TCF7L2: variants seen among roughly 807,000 people sequenced by gnomAD.
TCF7L2 encodes transcription factor 7-like 2.
A neutral mutation model predicts 77.9 loss-of-function variants in TCF7L2; 23 were observed. The ratio of observed to expected loss-of-function variants is 0.30; its 90% CI spans 0.21 to 0.42. The LOEUF (loss-of-function observed/expected upper bound fraction) is 0.42. Ranked by LOEUF, TCF7L2 falls within the 10% of genes least tolerant of loss-of-function variation. The probability of loss-of-function intolerance (pLI) is 1.00; values close to 1 mark genes in which losing one functional copy is unlikely to be tolerated. For missense variants in TCF7L2, 654 were observed against 793.1 expected (o/e 0.82, Z 2.11); for synonymous variants, 413 against 340.2 (o/e 1.21, Z -2.36).
chr10:113,062,114 A>T (rs1354472537), intron 5 of TCF7L2, among the ~76,000 whole-genome samples: 2 of 152,208 alleles, frequency 1.3e-5, no homozygotes, highest in Non-Finnish European at 2.9e-5. Context: ...CATACTCTTC[A>T]GCAGACATCG....
At chr10:113,069,985 T>C (rs2057745181) in intron 5 of TCF7L2, among the ~76,000 whole-genome samples, 1 of 151,910 alleles carries the variant, frequency 6.6e-6, no homozygotes, top group African/African-American at 2.4e-5. Flanking sequence ...GGGCCGGGCA[T>C]GGTGGCTCAC....
intron 5 of TCF7L2, among the ~76,000 whole-genome samples, chr10:113,043,332 G>A (rs539515951): frequency 6.6e-6 from 1 of 152,314 alleles, no homozygotes; most frequent in East Asian, 1.9e-4. Context: ...CATTAGAAAC[G>A]ATTGATGTGT....
At chr10:113,050,657 TA>T (rs2134540276) in intron 5 of TCF7L2, among the ~76,000 whole-genome samples, 1 of 152,250 alleles carries the variant, frequency 6.6e-6, no homozygotes, top group South Asian at 2.1e-4. Flanking sequence ...TGGAAAGAGG[TA>T]GCAGCCCCCT....
chr10:113,151,614 C>T lies in TCF7L2; in HGVS notation c.1002-111C>T. ...AAGAACTAAAAGCATGCTTTTTAAT[C>T]CAAAACTGCTAGGCTTGGGGGTTAT... On this transcript the variant is annotated intron_variant, in intron 9 of 13. Coordinates refer to ENST00000627217, the MANE Select transcript of TCF7L2 (RefSeq NM_001146274.2). The surrounding 1 kb of genome is among the most constrained non-coding windows in gnomAD (Gnocchi z 5.2). The T allele has an allele frequency of 1.5e-6, 2 of 1,365,420 alleles. No homozygotes were observed. The highest frequency in any genetic ancestry group is 1.9e-6 in the Non-Finnish European group (2 of 1,030,234). 84.6% of individuals were successfully genotyped at this position (1,365,420 alleles called of 1,614,324 possible). A position where few individuals can be genotyped will look rare whatever the true frequency, so the allele number is the denominator to read the frequency against.
At chr10:113,104,782 T>C (rs1475395348) in intron 5 of TCF7L2, among the ~76,000 whole-genome samples, 1 of 152,176 alleles carries the variant, frequency 6.6e-6, no homozygotes, top group Non-Finnish European at 1.5e-5. Flanking sequence ...AATTCTACTC[T>C]TCTGGCTGTC....
At chr10:113,124,622 T>TA (rs1309851551) in intron 5 of TCF7L2, among the ~76,000 whole-genome samples, 1 of 152,134 alleles carries the variant, frequency 6.6e-6, no homozygotes, top group South Asian at 2.1e-4. Context: ...AGGACATAGA[T>TA]ATAGATGTTG....
chr10:113,023,916 C>T (rs924917354), intron 4 of TCF7L2, among the ~76,000 whole-genome samples: 3 of 151,866 alleles, frequency 2.0e-5, no homozygotes, highest in African/African-American at 7.2e-5. Flanking sequence ...CCTCGGCCTC[C>T]CAAAGTGCTG....
At chr10:113,022,654 G>C (rs2048445111) in intron 4 of TCF7L2, among the ~76,000 whole-genome samples, 1 of 152,182 alleles carries the variant, frequency 6.6e-6, no homozygotes, top group Admixed American at 6.5e-5. Context: ...ATTGTATCCT[G>C]ATGATACTGA....
At chr10:113,142,132 G>A (rs1397149705) in intron 6 of TCF7L2, among the ~76,000 whole-genome samples, 5 of 152,182 alleles carry the variant, frequency 3.3e-5, no homozygotes, top group Non-Finnish European at 7.3e-5. Context: ...AGCCTCCCAA[G>A]TAGCTGGGAC....
At chr10:113,039,945 A>C in intron 4 of TCF7L2, 80 bp from the exon 5 acceptor site, 1 of 1,229,074 alleles carries the variant, frequency 8.1e-7, no homozygotes. Flanking sequence ...CCCATGTCAC[A>C]GTTATTTCTT....
chr10:113,125,992 G>A (rs905914523), intron 5 of TCF7L2: 7 of 152,052 alleles, frequency 4.6e-5, no homozygotes, highest in South Asian at 2.1e-4. Flanking sequence ...TTCAATTATC[G>A]CTATTTGAAG....
intron 5 of TCF7L2, among the ~76,000 whole-genome samples, chr10:113,067,815 C>T (rs1042534625): frequency 6.6e-6 from 1 of 151,680 alleles, no homozygotes; most frequent in African/African-American, 2.4e-5. Context: ...CTTTTTGTCC[C>T]TTTAGCTCGG....
Position 113,086,018 on chromosome 10 carries a change from G to A in TCF7L2, c.552+45892G>A, listed in dbSNP as rs12258762. Reference sequence around the variant, plus strand: ...GGGGCAATTCCAGCAGGTGGGTGGTGGCTGAAGGTCCTTGTCTTCTTTCTG... The same window carrying A: ...GGGGCAATTCCAGCAGGTGGGTGGTAGCTGAAGGTCCTTGTCTTCTTTCTG... On this transcript the variant is annotated intron_variant, in intron 5 of 13. Coordinates refer to ENST00000627217, the MANE Select transcript of TCF7L2 (RefSeq NM_001146274.2). Among the ~76,000 whole-genome samples the A allele has an allele frequency of 7.2e-3, 1,093 of 152,318 alleles. 12 individuals are homozygous for A. The highest frequency in any genetic ancestry group is 0.025 in the African/African-American group (1,056 of 41,568).
At chr10:112,978,834 T>C (rs776392278) in intron 4 of TCF7L2, among the ~76,000 whole-genome samples, 3 of 151,966 alleles carry the variant, frequency 2.0e-5, no homozygotes, top group African/African-American at 7.3e-5. Context: ...AAAATATACA[T>C]ATATATTTTT....
intron 4 of TCF7L2, among the ~76,000 whole-genome samples, chr10:112,987,130 G>A (rs2041695076): frequency 6.6e-6 from 1 of 152,134 alleles, no homozygotes; most frequent in South Asian, 2.1e-4. Context: ...AGCATCTTCT[G>A]GTAGCTAAGA....
intron 5 of TCF7L2, among the ~76,000 whole-genome samples, chr10:113,102,817 G>C (rs1432168338): frequency 6.6e-6 from 1 of 152,078 alleles, no homozygotes; most frequent in African/African-American, 2.4e-5. Context: ...TTAATACTAT[G>C]CATCATGTAT....
At chr10:113,152,189 T>C in intron 10 of TCF7L2, 144 bp from the exon 11 acceptor site, 1 of 844,268 alleles carries the variant, frequency 1.2e-6, no homozygotes, top group Non-Finnish European at 2.0e-6. Flanking sequence ...CGACGGTCAG[T>C]ATGTACAGAT....
At chr10:113,086,700 T>TGGTCTTATTTAG (rs2059870599) in intron 5 of TCF7L2, among the ~76,000 whole-genome samples, 2 of 152,198 alleles carry the variant, frequency 1.3e-5, no homozygotes, top group South Asian at 4.2e-4. Flanking sequence ...GTTTATTTCC[T>TGGTCTTATTTAG]GGTCTTTAGG....
chr10:113,054,598 A>G (rs1381448451), intron 5 of TCF7L2, among the ~76,000 whole-genome samples: 8 of 152,196 alleles, frequency 5.3e-5, no homozygotes, highest in Non-Finnish European at 1.0e-4. Flanking sequence ...AAAAATACAG[A>G]AAGGTACAAA....
Sources: allele counts gnomAD v4.1 joint callset (sites outside exome capture counted in the v4.1 genomes callset), GRCh38; gene constraint gnomAD v4.1.1; non-coding constraint Gnocchi (gnomAD v3.1); transcripts MANE v1.5; gene names NCBI Gene and HGNC (gene_info 2026-07-23, HGNC 2026-07-21).